Variants in LIPG observed in about 807,000 individuals in gnomAD.
The protein encoded by LIPG is endothelial lipase.
Under a neutral mutation model 51.8 loss-of-function variants are expected in LIPG, and 34 were observed. The observed-to-expected ratio is 0.66, with a 90% CI of 0.50 to 0.87. The LOEUF (loss-of-function observed/expected upper bound fraction) is 0.87, where lower values mean the gene tolerates loss of function less well. Among genes scored for constraint, LIPG ranks in the 40% least tolerant of loss-of-function variants. LIPG has a pLI of 0.00. For missense variants in LIPG, 580 were observed against 652.7 expected, an observed-to-expected ratio of 0.89 and a Z score of 1.21; for synonymous variants, 246 against 246.1, an observed-to-expected ratio of 1.00 and a Z score of 0.00.
chr18:49,590,609 C>G lies in LIPG; in HGVS notation c.*87C>G, dbSNP rs1350261725. On this transcript the variant is annotated 3_prime_UTR_variant, in exon 10 of 10. Coordinates refer to ENST00000261292, the MANE Select transcript of LIPG (RefSeq NM_006033.4). ...GGAAAGTTACTGCTGAGGACCCACC[C>G]AATGGAAGGATTCTTCTCAGCCTTG... The G allele has an allele frequency of 1.5e-6, 2 of 1,322,148 alleles. No individual in the cohort carries two copies. Among genetic ancestry groups the G allele is most frequent in the Non-Finnish European group, 2.1e-6 (2 of 937,580 alleles). The allele number at this position is 1,322,148 out of a possible 1,614,324, so 81.9% of individuals were successfully genotyped here.
At chr18:49,565,885 A>G (rs982726518) in intron 2 of LIPG, among the ~76,000 whole-genome samples, 2 of 152,246 alleles carry the variant, frequency 1.3e-5, no homozygotes, top group African/African-American at 4.8e-5. Context: ...ACCTATGAGT[A>G]GCCAGCTGGC....
chr18:49,569,340 TCTC>T (rs2084638974), intron 3 of LIPG, 94 bp from the exon 4 acceptor site: 2 of 1,014,616 alleles, frequency 2.0e-6, no homozygotes, highest in Non-Finnish European at 1.5e-6. Context: ...GGCCCCTGCA[TCTC>T]CTCCTGCTCC....
At chr18:49,566,155 G>A (rs769816573) in intron 2 of LIPG, among the ~76,000 whole-genome samples, 1 of 151,884 alleles carries the variant, frequency 6.6e-6, no homozygotes, top group African/African-American at 2.4e-5. Context: ...AATTGGAAGG[G>A]GACAGTCCTC....
rs139306070 is a variant in LIPG at position 49,567,353 on chromosome 18, T to C, written c.280-89T>C. The C allele has an allele frequency of 1.8e-4, 240 of 1,356,442 alleles. No individual in the cohort carries two copies. In the African/African-American group the frequency reaches 2.6e-3, roughly 15 times the overall value. The allele number at this position is 1,356,442 out of a possible 1,614,324, so 84.0% of individuals were successfully genotyped here. ...CCCTGAGTCAAAAAAAAAAAATTAA[T>C]TGGGAAGAGGGTCATATAGAAAGGA... On this transcript the variant is annotated intron_variant, in intron 2 of 9. Transcript: ENST00000261292.
Position 49,591,539 on chromosome 18 carries a change from A to G in LIPG, c.*1017A>G, listed in dbSNP as rs3826578. 1.1e-4 allele frequency: 16 copies of G among 152,222 alleles called. No individual in the cohort carries two copies. The South Asian group carries it at 2.3e-3, about 22-fold the overall frequency. The allele number at this position is 152,222 out of a possible 1,614,324, so 9.4% of individuals were successfully genotyped here. ...GAGAGATAGAAGTTATGACATATGTAATACACATCTGTGTACACAGAAACC... is the reference window on the plus strand; with the variant it reads ...GAGAGATAGAAGTTATGACATATGTGATACACATCTGTGTACACAGAAACC... On this transcript the variant is annotated 3_prime_UTR_variant, in exon 10 of 10. Coordinates refer to ENST00000261292, the MANE Select transcript of LIPG (RefSeq NM_006033.4).
rs749355447 is a variant in LIPG at position 49,569,444 on chromosome 18, A to C, written c.467A>C (p.Asp156Ala). 1 of 1,614,084 alleles carries C rather than the reference A, an allele frequency of 6.2e-7. No individual in the cohort carries two copies. Residue 156 changes from aspartate to alanine, a missense_variant, in exon 4 of 10, where the codon GAC becomes GCC. By Grantham distance (126) the Asp-to-Ala change is moderately radical. Transcript: ENST00000261292. ...ARMLDWLQEKDDFSLGNVHLI... is the reference protein window; with the variant it reads ...ARMLDWLQEKADFSLGNVHLI... ...TTTGGTGACTTTCTATAGGAGAAGG[A>C]CGATTTTTCTCTCGGGAATGTCCAC...
chr18:49,579,234 G>T (rs180730248), intron 5 of LIPG, among the ~76,000 whole-genome samples: 3 of 125,888 alleles, frequency 2.4e-5, no homozygotes, highest in Non-Finnish European at 4.9e-5. Context: ...GGGAGAGGGA[G>T]AGGGCTCACC....
Position 49,562,321 on chromosome 18 carries a change from G to T in LIPG, c.13G>T (p.Val5Phe), listed in dbSNP as rs1007545877. 2 of 1,612,416 alleles carry T rather than the reference G, an allele frequency of 1.2e-6. No individual in the cohort carries two copies. Among genetic ancestry groups the T allele is most frequent in the Non-Finnish European group, 1.7e-6 (2 of 1,180,002 alleles). Residue 5 changes from valine (V) to phenylalanine (F), a missense_variant, in exon 1 of 10, where the codon GTT (valine) becomes TTT (phenylalanine). Transcript: ENST00000261292. ...GTGGCGGGGCAGGATGAGCAACTCC[G>T]TTCCTCTGCTCTGTTTCTGGAGCCT... MSNSVPLLCFWSLCY... is the reference protein window; with the variant it reads MSNSFPLLCFWSLCY...
intron 8 of LIPG, among the ~76,000 whole-genome samples, chr18:49,586,291 C>T (rs2084879117): frequency 6.6e-6 from 1 of 152,198 alleles, no homozygotes; most frequent in South Asian, 2.1e-4. Context: ...AATCAGCAAG[C>T]AGTTTCACAT....
Position 49,583,707 on chromosome 18 carries a change from C to T in LIPG, c.1309C>T (p.Pro437Ser), listed in dbSNP as rs922299691. ...GGAGTTTCGCAGCTACCTGTCTCAA[C>T]CCCGCAACCCCGGACGGGAGCTGAA... ...WKEFRSYLSQ[P>S]RNPGRELNIR... Residue 437 changes from proline (P) to serine (S), a missense_variant, in exon 8 of 10, where the codon CCC (proline) becomes TCC (serine). Coordinates refer to ENST00000261292, the MANE Select transcript of LIPG (RefSeq NM_006033.4). 1 of 1,614,182 alleles carries T rather than the reference C, an allele frequency of 6.2e-7. No homozygotes were observed. The highest frequency in any genetic ancestry group is 1.7e-5 in the Admixed American group (1 of 60,022).
intron 5 of LIPG, among the ~76,000 whole-genome samples, chr18:49,578,917 C>G (rs1401257722): frequency 6.9e-6 from 1 of 145,560 alleles, no homozygotes; most frequent in Non-Finnish European, 1.5e-5. Flanking sequence ...CAGGCTGAGG[C>G]AGGAGAATCA....
chr18:49,586,109 A>G (rs2143975523), intron 8 of LIPG, among the ~76,000 whole-genome samples: 1 of 152,278 alleles, frequency 6.6e-6, no homozygotes, highest in Admixed American at 6.5e-5. Flanking sequence ...TTACATGGAA[A>G]TGGTTATTAG....
In LIPG at chr18:49,575,588, G is replaced by C; in HGVS notation, c.791G>C (p.Gly264Ala). ...LNDVLGSIAY[G>A]TITEVVKCEH... ...GATGTCTTGGGATCAATTGCATATG[G>C]AAGTGAGTTCCCTCTTTTCTGCTTT... Residue 264 changes from glycine to alanine, a missense_variant and splice_region_variant, in exon 5 of 10, where the codon GGA becomes GCA. By Grantham distance (60) the Gly-to-Ala change is moderately conservative. Coordinates refer to ENST00000261292, the MANE Select transcript of LIPG (RefSeq NM_006033.4). 6.2e-7 allele frequency: 1 copy of C among 1,612,970 alleles called. No individual in the cohort carries two copies.
At chr18:49,590,438 A>G (rs2084929541) in intron 9 of LIPG, 63 bp from the exon 10 acceptor site, 4 of 1,551,776 alleles carry the variant, frequency 2.6e-6, no homozygotes, top group Non-Finnish European at 3.5e-6. Flanking sequence ...CACCCTGAAT[A>G]CAGGTTTGCG....
chr18:49,576,565 T>A (rs1449327029), intron 5 of LIPG, among the ~76,000 whole-genome samples: 1 of 145,184 alleles, frequency 6.9e-6, no homozygotes, highest in Non-Finnish European at 1.5e-5. Context: ...CCTCCCAGAT[T>A]CAAGCAATTC....
chr18:49,567,648 T>TTG (rs769886851), intron 3 of LIPG, 27 bp downstream of exon 3: 1 of 1,611,264 alleles, frequency 6.2e-7, no homozygotes, highest in Admixed American at 1.7e-5. Flanking sequence ...GGGAGTCTCC[T>TTG]GTCACCAGCA....
chr18:49,565,412 T>TA lies in LIPG; in HGVS notation c.194dup (p.Tyr65Ter). ...TSKDPEHEGC[Y>*]LSVGHSQPLE... The stretch of plus-strand genomic sequence containing the variant: ...CAAGGACCCAGAGCATGAAGGATGC[T>TA]ACCTCTCCGTCGGCCACAGCCAGCC... Residue 65 changes from tyrosine to a stop codon, truncating the protein, a stop_gained and frameshift_variant, in exon 2 of 10, where the codon TAC (tyrosine) becomes TAAC (stop). Coordinates refer to ENST00000261292, the MANE Select transcript of LIPG (RefSeq NM_006033.4). LOFTEE classifies it high-confidence loss of function. 1 of 1,614,230 alleles carries TA rather than the reference T, an allele frequency of 6.2e-7. No homozygotes were observed. Among genetic ancestry groups the TA allele is most frequent in the South Asian group, 1.1e-5 (1 of 91,088 alleles).
chr18:49,571,977 G>A (rs1158452501), intron 4 of LIPG, among the ~76,000 whole-genome samples: 1 of 152,206 alleles, frequency 6.6e-6, no homozygotes, highest in Non-Finnish European at 1.5e-5. Flanking sequence ...TTCAAGAAAT[G>A]TGTCCATATG....
chr18:49,588,439 C>T lies in LIPG; in HGVS notation c.1481+1589C>T, dbSNP rs145112326. Reference sequence around the variant, plus strand: ...CTGGGATTACAAGTGCCTGCTACCACGCCTGGCTAATTTTTGTATTTTTAG... The same window carrying T: ...CTGGGATTACAAGTGCCTGCTACCATGCCTGGCTAATTTTTGTATTTTTAG... On this transcript the variant is annotated intron_variant, in intron 9 of 9. Transcript: ENST00000261292. Among the ~76,000 whole-genome samples the T allele has an allele frequency of 8.0e-3, 1,217 of 152,158 alleles. 13 individuals carry two copies. The highest frequency in any genetic ancestry group is 0.028 in the African/African-American group (1,153 of 41,518).
Sources: gnomAD v4.1 joint callset for allele counts (sites outside exome capture counted in the v4.1 genomes callset) on GRCh38, gnomAD v4.1.1 for gene constraint, MANE v1.5 for transcripts, NCBI Gene and HGNC (gene_info 2026-07-23, HGNC 2026-07-21) for gene names.